The following MBTPS1 variants were observed in gnomAD, a reference collection of about 807,000 sequenced individuals.
The protein encoded by MBTPS1 is membrane-bound transcription factor site-1 protease.
Under a neutral mutation model 127.8 loss-of-function variants are expected in MBTPS1, and 94 were observed. The observed-to-expected ratio is 0.74, with a 90% CI of 0.62 to 0.87. The LOEUF is 0.87. Among genes scored for constraint, MBTPS1 ranks in the 40% least tolerant of loss-of-function variants. The pLI is 0.00. For synonymous variants in MBTPS1, 632 were observed against 509.4 expected, an observed-to-expected ratio of 1.24 and a Z score of -3.24; for missense variants, 1,636 against 1,353.2, an observed-to-expected ratio of 1.21 and a Z score of -3.28.
chr16:84,071,559 T>C (rs1396666828), intron 12 of MBTPS1, among the ~76,000 whole-genome samples: 3 of 152,222 alleles, frequency 2.0e-5, no homozygotes, highest in African/African-American at 7.2e-5. Flanking sequence ...TGAAAAACTT[T>C]CGCCCATCTC....
Position 84,081,839 on chromosome 16 carries a change from C to G in MBTPS1, c.1356G>C (p.Arg452Ser). ...GCTCAAACATGTTGACCCCGGGGAGCCTCCGGGCTGACGCGATCAGGGCCT... is the reference window on the plus strand; with the variant it reads ...GCTCAAACATGTTGACCCCGGGGAGGCTCCGGGCTGACGCGATCAGGGCCT... The part of the protein sequence containing the change: ...MKQALIASAR[R>S]LPGVNMFEQG... Residue 452 changes from arginine to serine, a missense_variant, in exon 11 of 23, where the codon AGG becomes AGC. Physicochemically the swap from Arg to Ser is moderately radical, Grantham distance 110. Coordinates refer to ENST00000343411, the MANE Select transcript of MBTPS1 (RefSeq NM_003791.4). The G allele has an allele frequency of 4.6e-6, 7 of 1,532,572 alleles. No homozygotes were observed. Among genetic ancestry groups the G allele is most frequent in the Non-Finnish European group, 6.2e-6 (7 of 1,137,738 alleles). The allele number at this position is 1,532,572 out of a possible 1,614,324, so 94.9% of individuals were successfully genotyped here.
chr16:84,087,377 G>A lies in MBTPS1; in HGVS notation c.1115C>T (p.Ser372Leu). 6.2e-7 allele frequency: 1 copy of A among 1,611,616 alleles called. No individual in the cohort carries two copies. Among genetic ancestry groups the A allele is most frequent in the Non-Finnish European group, 8.5e-7 (1 of 1,179,210 alleles). Residue 372 changes from serine to leucine, a missense_variant, in exon 9 of 23, where the codon TCA (serine) becomes TTA (leucine). Transcript: ENST00000343411. ...DFEDNIARFS[S>L]RGMTTWELPG... ...GCGTACCCAGGTAGTCATTCCCCTT[G>A]AAGAAAAGCGGGCGATGTTATCTTC...
Position 84,070,722 on chromosome 16 carries a change from A to C in MBTPS1, c.1648T>G (p.Ser550Ala). Residue 550 changes from serine to alanine, a missense_variant, in exon 13 of 23, where the codon TCC (serine) becomes GCC (alanine). By Grantham distance (99) the Ser-to-Ala change is moderately conservative. Transcript: ENST00000343411. ...CAAGGCCATAAGACCGAGGAGTAGG[A>C]GAAGGCAACTTCAATGTTGTCTCCG... ...QNGDNIEVAFSYSSVLWPWSG... is the reference protein window; with the variant it reads ...QNGDNIEVAFAYSSVLWPWSG... 1 of 1,614,108 alleles carries C rather than the reference A, an allele frequency of 6.2e-7. No homozygotes were observed. Among genetic ancestry groups the C allele is most frequent in the East Asian group, 2.2e-5 (1 of 44,886 alleles).
At chr16:84,063,477 G>C (rs1244578544) in intron 18 of MBTPS1, 32 bp from the exon 19 acceptor site, 17 of 1,607,598 alleles carry the variant, frequency 1.1e-5, no homozygotes, top group Non-Finnish European at 1.4e-5. Flanking sequence ...CAACAGCCAT[G>C]AGAGTTTCCA....
chr16:84,093,570 T>A (rs970189577), intron 5 of MBTPS1, 141 bp downstream of exon 5: 23 of 693,116 alleles, frequency 3.3e-5, no homozygotes, highest in Admixed American at 2.4e-4. Flanking sequence ...TATGAGGTAT[T>A]CAGAGCAGTT....
rs564664104 is a variant in MBTPS1, at chr16:84,091,200, A to G, written c.964-258T>C. On this transcript the variant is annotated intron_variant, in intron 7 of 22. Coordinates refer to ENST00000343411, the MANE Select transcript of MBTPS1 (RefSeq NM_003791.4). ...CGAATTGCATGTTTAGGTAAGAAAG[A>G]ATTGGCAGGGCATGGTGGCTCACGC... 2.0e-5 allele frequency among the ~76,000 whole-genome samples: 3 copies of G among 152,268 alleles called. No individual in the cohort carries two copies. The South Asian group carries it at 6.2e-4, about 32-fold the overall frequency.
At chr16:84,085,971 C>A (rs994842078) in intron 9 of MBTPS1, 3 of 152,118 alleles carry the variant, frequency 2.0e-5, no homozygotes, top group African/African-American at 7.2e-5. Context: ...GATAACCACA[C>A]GACTAACTTG....
chr16:84,087,330 T>TA, intron 9 of MBTPS1, 28 bp downstream of exon 9: 1 of 1,560,286 alleles, frequency 6.4e-7, no homozygotes, highest in Non-Finnish European at 8.8e-7. Flanking sequence ...TCCAGCTAAA[T>TA]ACAATTATTT....
intron 1 of MBTPS1, among the ~76,000 whole-genome samples, chr16:84,113,155 T>C (rs1481800174): frequency 2.0e-5 from 3 of 152,196 alleles, no homozygotes; most frequent in Non-Finnish European, 4.4e-5. Flanking sequence ...AAGGAAAAGA[T>C]AGCCTTTGAA....
chr16:84,112,661 C>CA (rs67005277), intron 1 of MBTPS1, among the ~76,000 whole-genome samples: 33,766 of 90,752 alleles, frequency 0.37, 6,197 homozygotes, highest in East Asian at 0.68. Flanking sequence ...GACTCGGTCT[C>CA]AAAAAAAACA....
intron 10 of MBTPS1, chr16:84,082,288 A>G (rs146962228): frequency 0.015 from 2,381 of 154,224 alleles, 15 homozygotes; most frequent in South Asian, 0.024. Flanking sequence ...TGGCTGGGAG[A>G]AGGAGGAGCA....
intron 10 of MBTPS1, 153 bp from the exon 11 acceptor site, chr16:84,082,061 G>T: frequency 2.2e-6 from 1 of 462,264 alleles, no homozygotes; most frequent in Non-Finnish European, 3.6e-6. Context: ...ATGAGAGAAT[G>T]AGTGCACACT....
At chr16:84,082,662 T>C (rs2085958595) in intron 10 of MBTPS1, among the ~76,000 whole-genome samples, 1 of 152,130 alleles carries the variant, frequency 6.6e-6, no homozygotes, top group Admixed American at 6.5e-5. Flanking sequence ...AAAACTTAAC[T>C]CTCCTAAGTT....
intron 11 of MBTPS1, among the ~76,000 whole-genome samples, chr16:84,080,257 C>T (rs981606435): frequency 2.0e-5 from 3 of 152,212 alleles, no homozygotes; most frequent in African/African-American, 7.2e-5. Flanking sequence ...ACAGCTCTTC[C>T]TTCCAGGAGA....
chr16:84,072,180 T>A (rs1217592870), intron 12 of MBTPS1: 1 of 152,036 alleles, frequency 6.6e-6, no homozygotes, highest in African/African-American at 2.4e-5. Context: ...GTGGACAAAC[T>A]GTGAAAACCT....
intron 22 of MBTPS1, 70 bp from the exon 23 acceptor site, chr16:84,054,715 G>T: frequency 8.1e-7 from 1 of 1,229,428 alleles, no homozygotes; most frequent in African/African-American, 1.5e-5. Context: ...TTTCTATGAC[G>T]GCTGGATTCA....
chr16:84,110,878 C>G (rs527543142), intron 1 of MBTPS1: 10 of 152,320 alleles, frequency 6.6e-5, no homozygotes, highest in African/African-American at 2.4e-4. Flanking sequence ...GGCTTTATGT[C>G]CAAAGATACA....
In MBTPS1 at chr16:84,054,506, C is replaced by G. The variant is rs1297617230; in HGVS notation, c.3102G>C (p.Arg1034Ser). 6.2e-7 allele frequency: 1 copy of G among 1,613,742 alleles called. No homozygotes were observed. The highest frequency in any genetic ancestry group is 8.5e-7 in the Non-Finnish European group (1 of 1,179,818). The change falls in exon 23 of 23, where the codon AGG (arginine) becomes AGC (serine). Residue 1034 changes from arginine (R) to serine (S), a missense_variant. By Grantham distance (110) the Arg-to-Ser change is moderately radical. Transcript: ENST00000343411. ...AKSRPKRRKP[R>S]VKRPQLMQQV... ...GCTGCATGAGCTGCGGGCGCTTCAC[C>G]CTGGGCTTCCTCCGCTTCGGCCTGC...
At chr16:84,098,642 T>A (rs1020237436) in intron 3 of MBTPS1, among the ~76,000 whole-genome samples, 2 of 151,448 alleles carry the variant, frequency 1.3e-5, no homozygotes, top group Non-Finnish European at 2.9e-5. Context: ...AAAGAAAAAA[T>A]AAAACACACA....
Sources: allele counts gnomAD v4.1 joint callset (sites outside exome capture counted in the v4.1 genomes callset), GRCh38; gene constraint gnomAD v4.1.1; transcripts MANE v1.5; gene names NCBI Gene and HGNC (gene_info 2026-07-23, HGNC 2026-07-21).